Variants in CACNA1H observed in about 807,000 individuals in gnomAD.
CACNA1H encodes the protein calcium voltage-gated channel subunit alpha1 H.
A neutral mutation model predicts 192.5 loss-of-function variants in CACNA1H; 149 were observed. The observed-to-expected ratio is 0.77, with a 90% CI of 0.68 to 0.89. The LOEUF (loss-of-function observed/expected upper bound fraction) is 0.89, where lower values mean the gene tolerates loss of function less well. Ranked by LOEUF, CACNA1H falls within the 40% of genes least tolerant of loss-of-function variation. The probability of loss-of-function intolerance (pLI) is 0.00; values close to 1 mark genes in which losing one functional copy is unlikely to be tolerated. For missense variants in CACNA1H, 4,257 were observed against 3,423.5 expected, an observed-to-expected ratio of 1.24 and a Z score of -6.08; for synonymous variants, 2,202 against 1,475.2, an observed-to-expected ratio of 1.49 and a Z score of -11.29.
chr16:1,215,166 C>A lies in CACNA1H; in HGVS notation c.5040-76C>A, dbSNP rs866020772. Reference sequence around the variant, plus strand: ...GCAGGTGAGGCCGCAGGCTTTCCCACGGAGGTCTGCAGAAGCAACGCTGCT... The same window carrying A: ...GCAGGTGAGGCCGCAGGCTTTCCCAAGGAGGTCTGCAGAAGCAACGCTGCT... On this transcript the variant is annotated intron_variant, in intron 28 of 34. Transcript: ENST00000348261. 7.6e-6 allele frequency: 12 copies of A among 1,578,592 alleles called. No homozygotes were observed. The African/African-American group carries it at 1.6e-4, about 21-fold the overall frequency.
rs534918321 is a variant in CACNA1H, at chr16:1,211,920, G to A, written c.4567-26G>A. 30 of 1,612,106 alleles carry A rather than the reference G, an allele frequency of 1.9e-5. 1 individual carries two copies. In the Admixed American group the frequency reaches 2.0e-4, roughly 11 times the overall value. On this transcript the variant is annotated intron_variant, in intron 24 of 34. Transcript: ENST00000348261. ...AGGGCCCCTGGCGGGGCAGGCGGGC[G>A]GGGACCCACCGCCTCTGTGCCACAG...
chr16:1,203,257 A>G (rs1224042961), intron 9 of CACNA1H, among the ~76,000 whole-genome samples: 1 of 152,170 alleles, frequency 6.6e-6, no homozygotes, highest in Middle Eastern at 3.2e-3. Context: ...ACAGCACGAA[A>G]ACATCACAGG....
At chr16:1,206,864 G>A (rs1567527521) in intron 12 of CACNA1H, 137 bp from the exon 13 acceptor site, 2 of 603,564 alleles carry the variant, frequency 3.3e-6, no homozygotes, top group East Asian at 2.8e-5. Context: ...CCCAGGGAGG[G>A]TAGGAGGCCA....
intron 1 of CACNA1H, 96 bp from the exon 2 acceptor site, chr16:1,153,624 C>T (rs1031858270): frequency 5.9e-5 from 44 of 741,754 alleles, no homozygotes; most frequent in Non-Finnish European, 7.0e-5. Flanking sequence ...AAGACAAAGA[C>T]ATCCCGGCGG....
intron 2 of CACNA1H, among the ~76,000 whole-genome samples, chr16:1,158,869 TGGCCCCGCAGGGCCCCCGCTCAGCCC>T (rs1962803370): frequency 6.7e-6 from 1 of 148,860 alleles, no homozygotes; most frequent in African/African-American, 2.5e-5. Context: ...CCCGCACCCC[TGGCCCCGCAGGGCCCCCGCTCAGCCC>T]GCACCCCTGG....
intron 2 of CACNA1H, among the ~76,000 whole-genome samples, chr16:1,172,311 A>G (rs1964445992): frequency 6.6e-6 from 1 of 152,146 alleles, no homozygotes; most frequent in Admixed American, 6.5e-5. Flanking sequence ...TTGAGTAGAA[A>G]GGAGCTCGGG....
At chr16:1,163,037 C>T (rs897447052) in intron 2 of CACNA1H, among the ~76,000 whole-genome samples, 15 of 152,356 alleles carry the variant, frequency 9.8e-5, no homozygotes, top group Middle Eastern at 3.4e-3. Context: ...GGACCTTGGG[C>T]TCGTCTGACT....
intron 2 of CACNA1H, among the ~76,000 whole-genome samples, chr16:1,190,049 G>A (rs973169814): frequency 6.6e-6 from 1 of 152,208 alleles, no homozygotes; most frequent in Non-Finnish European, 1.5e-5. Flanking sequence ...GAGGGTGAGT[G>A]GGTGCATTGC....
At chr16:1,212,755 G>A (rs1022203036) in intron 26 of CACNA1H, among the ~76,000 whole-genome samples, 46 of 152,328 alleles carry the variant, frequency 3.0e-4, no homozygotes, top group African/African-American at 9.4e-4. Flanking sequence ...CATCTCCGCC[G>A]TGCGCCGGGA....
chr16:1,185,648 G>GCA (rs1567475645), intron 2 of CACNA1H, among the ~76,000 whole-genome samples: 4 of 13,792 alleles, frequency 2.9e-4, no homozygotes, highest in South Asian at 1.6e-3. Flanking sequence ...CGAGTAGACG[G>GCA]TCGGCATGCA....
chr16:1,186,537 C>T (rs1046619221), intron 2 of CACNA1H, among the ~76,000 whole-genome samples: 2 of 152,106 alleles, frequency 1.3e-5, no homozygotes, highest in East Asian at 1.9e-4. Context: ...CATCCTCCGG[C>T]GATTCCCTGG....
chr16:1,178,788 C>A (rs1281637240), intron 2 of CACNA1H, among the ~76,000 whole-genome samples: 2 of 152,218 alleles, frequency 1.3e-5, no homozygotes, highest in African/African-American at 4.8e-5. Context: ...CCTCCAAGCT[C>A]CAGAAGTCGG....
At chr16:1,216,885 C>T in intron 30 of CACNA1H, 47 bp from the exon 31 acceptor site, 1 of 1,488,580 alleles carries the variant, frequency 6.7e-7, no homozygotes. Flanking sequence ...TGGGCTGAGG[C>T]CTCCCTGCCC....
At chr16:1,193,656 C>T (rs1418247910) in intron 2 of CACNA1H, among the ~76,000 whole-genome samples, 3 of 152,234 alleles carry the variant, frequency 2.0e-5, no homozygotes, top group Admixed American at 2.0e-4. Context: ...GCAGAGGCGC[C>T]TGTTACCGCT....
chr16:1,218,544 T>G lies in CACNA1H; in HGVS notation c.5780T>G (p.Leu1927Arg). ...RKVSVSRMLSLPNDSYMFRPV... is the reference protein window; with the variant it reads ...RKVSVSRMLSRPNDSYMFRPV... ...GTGTCCGTGTCCAGGATGCTCTCGC[T>G]GCCCAACGACAGCTACATGTTCAGG... Residue 1927 changes from leucine (L) to arginine (R), a missense_variant, in exon 33 of 35, where the codon CTG (leucine) becomes CGG (arginine). Leu to Arg is a moderately radical substitution (Grantham distance 102). Coordinates refer to ENST00000348261, the MANE Select transcript of CACNA1H (RefSeq NM_021098.3). The G allele has an allele frequency of 6.4e-7, 1 of 1,559,540 alleles. No individual in the cohort carries two copies. The highest frequency in any genetic ancestry group is 1.2e-5 in the South Asian group (1 of 84,614).
intron 2 of CACNA1H, among the ~76,000 whole-genome samples, chr16:1,165,520 G>C (rs981614600): frequency 1.1e-4 from 17 of 150,270 alleles, no homozygotes; most frequent in African/African-American, 4.3e-4. Flanking sequence ...TCCAGGTGGA[G>C]AGAGAGGCGC....
At chr16:1,171,235 G>T (rs950178293) in intron 2 of CACNA1H, among the ~76,000 whole-genome samples, 3 of 152,092 alleles carry the variant, frequency 2.0e-5, no homozygotes, top group Non-Finnish European at 2.9e-5. Flanking sequence ...CCTCCTCGTG[G>T]GGAGGTCTCT....
chr16:1,166,230 C>T (rs1365014886), intron 2 of CACNA1H, among the ~76,000 whole-genome samples: 2 of 152,198 alleles, frequency 1.3e-5, no homozygotes, highest in African/African-American at 4.8e-5. Flanking sequence ...ACGAGCAAAT[C>T]CTTTGCGTCC....
At chr16:1,214,208 G>A (rs542958567) in intron 27 of CACNA1H, among the ~76,000 whole-genome samples, 35 of 152,332 alleles carry the variant, frequency 2.3e-4, no homozygotes, top group Admixed American at 3.9e-4. Flanking sequence ...GGCAGGACGT[G>A]AGCATCCGAC....
Sources: allele counts gnomAD v4.1 joint callset (sites outside exome capture counted in the v4.1 genomes callset), GRCh38; gene constraint gnomAD v4.1.1; transcripts MANE v1.5; gene names NCBI Gene and HGNC (gene_info 2026-07-23, HGNC 2026-07-21).